Variants in RASEF observed in about 807,000 individuals in gnomAD.
The protein encoded by RASEF is RAS and EF-hand domain containing, also known as ras and EF-hand domain-containing protein.
Under a neutral mutation model 90.1 loss-of-function variants are expected in RASEF, and 68 were observed. The observed-to-expected ratio is 0.75, with a 90% CI of 0.62 to 0.92. The LOEUF (loss-of-function observed/expected upper bound fraction) is 0.92, where lower values mean the gene tolerates loss of function less well. RASEF is among the 40% of genes least tolerant of loss of function. RASEF has a pLI of 0.00. For missense variants in RASEF, 949 were observed against 937.2 expected (o/e 1.01, Z -0.16); for synonymous variants, 331 against 345.2 (o/e 0.96, Z 0.46).
chr9:83,059,492 T>C (rs775059370), intron 1 of RASEF, among the ~76,000 whole-genome samples: 1 of 152,178 alleles, frequency 6.6e-6, no homozygotes, highest in Non-Finnish European at 1.5e-5. Flanking sequence ...TTCTATTCAT[T>C]TGGCAAACAT....
upstream of RASEF, among the ~76,000 whole-genome samples, chr9:83,066,119 A>G (rs1465758093): frequency 6.6e-6 from 1 of 152,208 alleles, no homozygotes; most frequent in Non-Finnish European, 1.5e-5. Context: ...TAGATCAAAT[A>G]TTTCACCCTT....
At chr9:83,049,274 T>G (rs777056623) in intron 1 of RASEF, 1 of 983,178 alleles carries the variant, frequency 1.0e-6, no homozygotes, top group East Asian at 1.1e-4. Context: ...GACACACATT[T>G]ACAAAATCAA....
At position 82,981,186 on chromosome 9, in the gene RASEF, A is replaced by G. The variant is rs1828593720; in HGVS notation, c.*1491T>C. On this transcript the variant is annotated 3_prime_UTR_variant, in exon 17 of 17. Transcript: ENST00000376447. ...CAAGCTACTTGGGGCCTGGACCTAG[A>G]TGAAGCAAGGTAAATTAGAATCTTT... The G allele has an allele frequency of 6.6e-6, 1 of 152,232 alleles. No homozygotes were observed. The highest frequency in any genetic ancestry group is 2.1e-4 in the South Asian group (1 of 4,832). The allele number at this position is 152,232 out of a possible 1,614,324, so 9.4% of individuals were successfully genotyped here. A position where few individuals can be genotyped will look rare whatever the true frequency, so the allele number is the denominator to read the frequency against.
the RASEF span, among the ~76,000 whole-genome samples, chr9:83,118,680 C>G: frequency 6.6e-6 from 1 of 152,102 alleles, no homozygotes; most frequent in African/African-American, 2.4e-5. Context: ...CACCAAGTTA[C>G]TAAGCCATAT....
chr9:83,201,421 T>C, the RASEF span, among the ~76,000 whole-genome samples: 1 of 152,230 alleles, frequency 6.6e-6, no homozygotes, highest in Non-Finnish European at 1.5e-5. Context: ...TCGGATATTC[T>C]CTTGGAAGAG....
chr9:82,986,612 A>G (rs950251940), intron 16 of RASEF, among the ~76,000 whole-genome samples: 1 of 152,200 alleles, frequency 6.6e-6, no homozygotes, highest in Non-Finnish European at 1.5e-5. Flanking sequence ...TCTAAAACAG[A>G]TTTAAGGCTG....
the RASEF span, among the ~76,000 whole-genome samples, chr9:83,188,852 C>A: frequency 6.6e-6 from 1 of 152,120 alleles, no homozygotes; most frequent in Non-Finnish European, 1.5e-5. Context: ...ATTAGTCAAC[C>A]ACAGCTCAAG....
At chr9:82,989,807 A>G (rs1828777643) in intron 16 of RASEF, among the ~76,000 whole-genome samples, 1 of 152,174 alleles carries the variant, frequency 6.6e-6, no homozygotes, top group Non-Finnish European at 1.5e-5. Flanking sequence ...AAAACCAGGT[A>G]GGAGGGAAAA....
intron 1 of RASEF, chr9:83,055,253 C>G: frequency 3.2e-6 from 1 of 308,378 alleles, no homozygotes; most frequent in Non-Finnish European, 6.3e-6. Context: ...TGTGGTGCGC[C>G]GTTTCTTAAG....
the RASEF span, among the ~76,000 whole-genome samples, chr9:83,183,156 A>C: frequency 6.6e-6 from 1 of 151,600 alleles, no homozygotes; most frequent in Non-Finnish European, 1.5e-5. Flanking sequence ...GATCCTTTAA[A>C]CAGATGCATT....
the RASEF span, among the ~76,000 whole-genome samples, chr9:83,158,881 T>C: frequency 6.6e-6 from 1 of 151,798 alleles, no homozygotes; most frequent in Admixed American, 6.6e-5. Flanking sequence ...AAGTTATGCT[T>C]GAAGCTGATG....
At chr9:83,142,271 A>G in the RASEF span, among the ~76,000 whole-genome samples, 6 of 152,228 alleles carry the variant, frequency 3.9e-5, no homozygotes, top group African/African-American at 1.4e-4. Context: ...TCAAAGGAAG[A>G]AATTTTTGGA....
intron 14 of RASEF, among the ~76,000 whole-genome samples, chr9:82,995,061 T>G (rs1233398570): frequency 6.6e-6 from 1 of 152,196 alleles, no homozygotes; most frequent in Admixed American, 6.5e-5. Context: ...AGTATGTAAT[T>G]TTTCATCCAT....
At chr9:83,136,932 C>T in the RASEF span, among the ~76,000 whole-genome samples, 1 of 151,948 alleles carries the variant, frequency 6.6e-6, no homozygotes, top group African/African-American at 2.4e-5. Context: ...GTCAATCATC[C>T]TTTAACAATT....
At chr9:83,166,396 G>A in the RASEF span, among the ~76,000 whole-genome samples, 3 of 152,070 alleles carry the variant, frequency 2.0e-5, no homozygotes, top group African/African-American at 7.2e-5. Flanking sequence ...GTGTCTCCTG[G>A]CAAGAACTCT....
At chr9:83,097,770 G>T in the RASEF span, among the ~76,000 whole-genome samples, 1 of 152,002 alleles carries the variant, frequency 6.6e-6, no homozygotes, top group Non-Finnish European at 1.5e-5. Flanking sequence ...AGAGGACAGG[G>T]CAATAAATCA....
At chr9:83,002,348 T>C (rs1466990432) in intron 9 of RASEF, among the ~76,000 whole-genome samples, 1 of 152,134 alleles carries the variant, frequency 6.6e-6, no homozygotes, top group Non-Finnish European at 1.5e-5. Context: ...TGTAACTAAC[T>C]TTCTCTCTCT....
At chr9:83,016,046 A>G (rs575319591) in intron 3 of RASEF, 146 bp from the exon 4 acceptor site, 112 of 632,372 alleles carry the variant, frequency 1.8e-4, no homozygotes, top group African/African-American at 1.7e-3. Flanking sequence ...ATCAGAAGGA[A>G]ACCAATTGAC....
chr9:83,001,315 A>G (rs941007119), intron 9 of RASEF, among the ~76,000 whole-genome samples, 185 bp from the exon 10 acceptor site: 2 of 152,236 alleles, frequency 1.3e-5, no homozygotes, highest in African/African-American at 4.8e-5. Flanking sequence ...CATTCTATGC[A>G]GCAATCAGTT....
Sources: gnomAD v4.1 joint callset for allele counts (sites outside exome capture counted in the v4.1 genomes callset) on GRCh38, gnomAD v4.1.1 for gene constraint, MANE v1.5 for transcripts, NCBI Gene and HGNC (gene_info 2026-07-23, HGNC 2026-07-21) for gene names.